The following SUB1 variants were observed in gnomAD, a reference collection of about 807,000 sequenced individuals.
SUB1 encodes the protein SUB1 regulator of transcription, also known as activated RNA polymerase II transcriptional coactivator p15.
Under a neutral mutation model 16.9 loss-of-function variants are expected in SUB1, and 1 was observed. That is an observed-to-expected ratio of 0.06 (90% CI 0.02 to 0.28). The LOEUF is 0.28. SUB1 is among the 10% of genes least tolerant of loss of function. The probability of loss-of-function intolerance (pLI) is 1.00; values close to 1 mark genes in which losing one functional copy is unlikely to be tolerated. For missense variants in SUB1, 84 were observed against 145.2 expected (o/e 0.58, Z 2.16); for synonymous variants, 51 against 46.9 (o/e 1.09, Z -0.36).
chr5:32,596,820 GAA>G (rs1015455292), intron 3 of SUB1: 10 of 152,270 alleles, frequency 6.6e-5, no homozygotes, highest in African/African-American at 1.9e-4. Context: ...GTGAGTCTTG[GAA>G]AGTGCTAAGA....
intron 3 of SUB1, among the ~76,000 whole-genome samples, chr5:32,594,327 C>T (rs1420961605): frequency 6.6e-6 from 1 of 152,092 alleles, no homozygotes; most frequent in East Asian, 1.9e-4. Context: ...AGAATTATCT[C>T]ATAATTATTT....
chr5:32,588,738 G>A (rs1738739129), intron 2 of SUB1, among the ~76,000 whole-genome samples, 154 bp downstream of exon 2: 1 of 152,220 alleles, frequency 6.6e-6, no homozygotes, highest in Non-Finnish European at 1.5e-5. Flanking sequence ...TTGGGAGGCC[G>A]AGGTGGCAGG....
rs1739138799 is a variant in SUB1 at position 32,602,449 on chromosome 5, A to G, written c.*1365A>G. 2 of 222,910 alleles carry G rather than the reference A, an allele frequency of 9.0e-6. No individual in the cohort carries two copies. The highest frequency in any genetic ancestry group is 1.1e-4 in the Admixed American group (2 of 18,690). 13.8% of individuals were successfully genotyped at this position (222,910 alleles called of 1,614,324 possible). On this transcript the variant is annotated 3_prime_UTR_variant, in exon 5 of 5. Coordinates refer to ENST00000265073, the MANE Select transcript of SUB1 (RefSeq NM_006713.4). The stretch of plus-strand genomic sequence containing the variant: ...ACATATAAAAGATTCTTGTTGACAA[A>G]TTATTTTTGGTAGCAAATCTCAAAT...
At chr5:32,597,058 C>A (rs1229225210) in intron 3 of SUB1, 1 of 151,960 alleles carries the variant, frequency 6.6e-6, no homozygotes, top group African/African-American at 2.4e-5. Context: ...GTTGGTGAAG[C>A]AGTGTAGCTA....
chr5:32,594,244 C>G (rs950636450), intron 3 of SUB1, among the ~76,000 whole-genome samples: 1 of 152,092 alleles, frequency 6.6e-6, no homozygotes, highest in Admixed American at 6.5e-5. Context: ...TCCTTCAGCT[C>G]TGATTTTGAA....
chr5:32,601,057 C>T lies in SUB1; in HGVS notation c.357C>T (p.Asp119=), dbSNP rs762761470. Residue 119 remains aspartate, a synonymous_variant, in exon 5 of 5, where the codon GAC becomes GAT. Transcript: ENST00000265073. The part of the protein sequence containing the change: ...QWSQLKEQIS[D]IDDAVRKL The stretch of plus-strand genomic sequence containing the variant: ...GCCAGCTGAAGGAACAGATTTCTGA[C>T]ATTGATGATGCAGTAAGAAAACTGT... 5 of 1,611,822 alleles carry T rather than the reference C, an allele frequency of 3.1e-6. No homozygotes were observed. Among genetic ancestry groups the T allele is most frequent in the African/African-American group, 2.7e-5 (2 of 74,836 alleles).
chr5:32,592,482 C>T (rs1738853111), intron 3 of SUB1, among the ~76,000 whole-genome samples: 1 of 152,196 alleles, frequency 6.6e-6, no homozygotes, highest in Non-Finnish European at 1.5e-5. Context: ...AGACTTGACA[C>T]TGGCATCTTT....
intron 3 of SUB1, chr5:32,595,540 C>T (rs1480197454): frequency 6.6e-6 from 1 of 152,214 alleles, no homozygotes; most frequent in African/African-American, 2.4e-5. Flanking sequence ...GATAATACTA[C>T]AACTTGTAAA....
At chr5:32,600,957 C>T (rs572357355) in intron 4 of SUB1, 48 bp from the exon 5 acceptor site, 3 of 1,532,598 alleles carry the variant, frequency 2.0e-6, no homozygotes, top group Admixed American at 1.7e-5. Flanking sequence ...TGAAAATCCT[C>T]AACGCTTAAA....
chr5:32,601,035 A>T lies in SUB1; in HGVS notation c.335A>T (p.Gln112Leu). The T allele has an allele frequency of 1.2e-6, 2 of 1,612,372 alleles. No individual in the cohort carries two copies. The highest frequency in any genetic ancestry group is 1.7e-6 in the Non-Finnish European group (2 of 1,179,794). Residue 112 changes from glutamine (Q) to leucine (L), a missense_variant, in exon 5 of 5, where the codon CAG becomes CTG. Gln to Leu is a moderately radical substitution (Grantham distance 113). This residue lies in a region of SUB1 where 24 missense variants were observed against 80.3 expected (regional missense o/e 0.30). Transcript: ENST00000265073. ...GISLNPEQWS[Q>L]LKEQISDIDD... is the part of the protein sequence containing the mutation. The stretch of plus-strand genomic sequence containing the variant: ...TCTTTAAATCCAGAACAATGGAGCC[A>T]GCTGAAGGAACAGATTTCTGACATT...
chr5:32,590,059 AAC>A (rs1324064898), intron 2 of SUB1, among the ~76,000 whole-genome samples: 1 of 152,222 alleles, frequency 6.6e-6, no homozygotes, highest in African/African-American at 2.4e-5. Context: ...ATGTTGATGT[AAC>A]ACATGTGTAT....
intron 2 of SUB1, 35 bp downstream of exon 2, chr5:32,588,619 C>T: frequency 6.3e-7 from 1 of 1,592,600 alleles, no homozygotes; most frequent in Non-Finnish European, 8.6e-7. Context: ...TTTGGTGATA[C>T]TCAACAATAT....
rs920867782 is a variant in SUB1, at chr5:32,602,684, A to C, written c.*1600A>C. On this transcript the variant is annotated 3_prime_UTR_variant, in exon 5 of 5. Coordinates refer to ENST00000265073, the MANE Select transcript of SUB1 (RefSeq NM_006713.4). ...TTAGATGACTTTTTAAAGTATATTT[A>C]GCAGTAACCTTATGAGGTTCAAATT... is the stretch of plus-strand genomic sequence containing the variant. The C allele has an allele frequency of 6.3e-6, 1 of 158,588 alleles. No homozygotes were observed. Among genetic ancestry groups the C allele is most frequent in the African/African-American group, 2.4e-5 (1 of 41,464 alleles). The allele number at this position is 158,588 out of a possible 1,614,324, so 9.8% of individuals were successfully genotyped here.
chr5:32,598,305 GTTAT>G (rs2111681766), intron 3 of SUB1: 1 of 152,248 alleles, frequency 6.6e-6, no homozygotes, highest in Admixed American at 6.5e-5. Flanking sequence ...GACTCATGGT[GTTAT>G]TTAAAGTTTA....
chr5:32,599,117 C>T, intron 4 of SUB1, 48 bp downstream of exon 4: 1 of 1,418,394 alleles, frequency 7.1e-7, no homozygotes, highest in Non-Finnish European at 9.9e-7. Context: ...GACTAAACGA[C>T]AACTTTTCTG....
intron 3 of SUB1, 110 bp from the exon 4 acceptor site, chr5:32,598,851 T>G (rs767825551): frequency 6.3e-6 from 5 of 799,588 alleles, no homozygotes; most frequent in Non-Finnish European, 1.0e-5. Context: ...AGTAGTCATT[T>G]TCATGATTAG....
intron 2 of SUB1, among the ~76,000 whole-genome samples, chr5:32,590,656 C>T (rs1257142522): frequency 4.6e-5 from 7 of 151,208 alleles, no homozygotes; most frequent in African/African-American, 1.2e-4. Flanking sequence ...AGTGTAATGG[C>T]GCGATCTCGG....
At position 32,590,762 on chromosome 5, in the gene SUB1, ATTTTT is replaced by A. The variant is rs70961652; in HGVS notation, c.73-782_73-778del. Among the ~76,000 whole-genome samples, 35 of 33,978 alleles carry A rather than the reference ATTTTT, an allele frequency of 1.0e-3. 1 individual carries two copies. Among genetic ancestry groups the A allele is most frequent in the South Asian group, 6.9e-3 (3 of 432 alleles). 22.3% of individuals were successfully genotyped at this position (33,978 alleles called of 152,430 possible). On this transcript the variant is annotated intron_variant, in intron 2 of 4. Coordinates refer to ENST00000265073, the MANE Select transcript of SUB1 (RefSeq NM_006713.4). Reference sequence around the variant, plus strand: ...AGGCGTGTGCCACCACGCCTGGCTAATTTTTTTTTTTTTTTTTTTTTTTGAGATGG... The same window carrying A: ...AGGCGTGTGCCACCACGCCTGGCTAATTTTTTTTTTTTTTTTTTGAGATGG...
At chr5:32,587,148 GTGCTAC>G (rs1738693839) in intron 1 of SUB1, among the ~76,000 whole-genome samples, 1 of 151,974 alleles carries the variant, frequency 6.6e-6, no homozygotes, top group South Asian at 2.1e-4. Context: ...AGTTATTTAT[GTGCTAC>G]TGCTCAAGAT....
Sources: allele counts gnomAD v4.1 joint callset (sites outside exome capture counted in the v4.1 genomes callset), GRCh38; gene constraint gnomAD v4.1.1; regional missense constraint gnomAD v4.1.1; transcripts MANE v1.5; gene names NCBI Gene and HGNC (gene_info 2026-07-23, HGNC 2026-07-21).